The following GALNTL6 variants were observed in gnomAD, a reference collection of about 807,000 sequenced individuals.
The protein encoded by GALNTL6 is polypeptide N-acetylgalactosaminyltransferase-like 6.
GALNTL6 carries 46 observed loss-of-function variants against 73.7 expected under a neutral mutation model. The observed-to-expected ratio is 0.62, with a 90% CI of 0.49 to 0.80. GALNTL6 has a LOEUF of 0.80. Ranked by LOEUF, GALNTL6 falls within the 30% of genes least tolerant of loss-of-function variation. The pLI, the probability that GALNTL6 is intolerant of heterozygous loss-of-function variation, is 0.00. For synonymous variants in GALNTL6, 259 were observed against 263.7 expected (o/e 0.98, Z 0.17); for missense variants, 604 against 755.0 (o/e 0.80, Z 2.34).
intron 2 of GALNTL6, among the ~76,000 whole-genome samples, chr4:172,060,925 T>G (rs1020861874): frequency 1.6e-4 from 24 of 152,176 alleles, no homozygotes; most frequent in Non-Finnish European, 3.4e-4. Context: ...CCATATTACA[T>G]GGGCTCTAAG....
At chr4:172,210,606 T>A (rs998557508) in intron 2 of GALNTL6, among the ~76,000 whole-genome samples, 3 of 152,156 alleles carry the variant, frequency 2.0e-5, no homozygotes, top group Non-Finnish European at 4.4e-5. Context: ...TTTCATTACA[T>A]CATATCCAGG....
intron 7 of GALNTL6, among the ~76,000 whole-genome samples, chr4:172,829,313 C>T (rs894573748): frequency 2.6e-5 from 4 of 152,182 alleles, no homozygotes; most frequent in African/African-American, 7.2e-5. Context: ...ATGGTACCTA[C>T]TATTTGTTGG....
At chr4:171,987,042 G>T (rs2332450) in intron 2 of GALNTL6, among the ~76,000 whole-genome samples, 148,560 of 152,066 alleles carry the variant, frequency 0.98, 72,660 homozygotes, top group Middle Eastern at 1. Flanking sequence ...ACAAGTTTTT[G>T]GGGGCACAGT....
intron 5 of GALNTL6, among the ~76,000 whole-genome samples, chr4:172,563,511 T>A (rs1283155051): frequency 1.3e-5 from 2 of 152,266 alleles, no homozygotes; most frequent in African/African-American, 4.8e-5. Flanking sequence ...TGGTTATCTA[T>A]AAAATCTTTA....
intron 5 of GALNTL6, among the ~76,000 whole-genome samples, chr4:172,702,833 T>TG (rs71754292): frequency 1.3e-5 from 2 of 151,952 alleles, no homozygotes; most frequent in African/African-American, 4.8e-5. Context: ...TAGTTTTTTT[T>TG]GTCATTATAA....
At chr4:172,442,411 T>C (rs571643882) in intron 5 of GALNTL6, among the ~76,000 whole-genome samples, 2 of 152,146 alleles carry the variant, frequency 1.3e-5, no homozygotes, top group South Asian at 4.1e-4. Flanking sequence ...GTAAGAACAA[T>C]ATTAATGTGA....
At chr4:172,862,090 C>A (rs754193745) in intron 7 of GALNTL6, among the ~76,000 whole-genome samples, 2 of 152,168 alleles carry the variant, frequency 1.3e-5, no homozygotes, top group Non-Finnish European at 2.9e-5. Flanking sequence ...AAATTTGGAA[C>A]TTCTTAGAGA....
chr4:172,568,631 G>A (rs977710773), intron 5 of GALNTL6, among the ~76,000 whole-genome samples: 1 of 151,124 alleles, frequency 6.6e-6, no homozygotes, highest in Non-Finnish European at 1.5e-5. Flanking sequence ...GATGGTGGGC[G>A]CCTGTAGTCC....
chr4:171,939,310 A>G (rs941698546), intron 2 of GALNTL6, among the ~76,000 whole-genome samples: 2 of 151,988 alleles, frequency 1.3e-5, no homozygotes, highest in African/African-American at 4.8e-5. Context: ...ATAAGCCATC[A>G]ATAGGTTTAT....
chr4:172,003,939 A>C (rs765674214), intron 2 of GALNTL6, among the ~76,000 whole-genome samples: 11 of 152,134 alleles, frequency 7.2e-5, no homozygotes, highest in Non-Finnish European at 1.3e-4. Context: ...AATTTACGGA[A>C]ATATTTTTGG....
intron 2 of GALNTL6, among the ~76,000 whole-genome samples, chr4:172,100,540 G>A (rs919673698): frequency 1.3e-5 from 2 of 152,012 alleles, no homozygotes; most frequent in African/African-American, 4.8e-5. Flanking sequence ...TATGCCAAAA[G>A]GAAATGGTAA....
intron 5 of GALNTL6, among the ~76,000 whole-genome samples, chr4:172,446,147 T>C (rs1186079337): frequency 6.6e-6 from 1 of 152,210 alleles, no homozygotes; most frequent in Non-Finnish European, 1.5e-5. Flanking sequence ...TTATTTGATA[T>C]ACATAATCTC....
At chr4:172,423,665 A>G (rs1348022408) in intron 5 of GALNTL6, among the ~76,000 whole-genome samples, 1 of 152,206 alleles carries the variant, frequency 6.6e-6, no homozygotes, top group East Asian at 1.9e-4. Context: ...TCATGTATTT[A>G]CTTACTTATA....
intron 3 of GALNTL6, among the ~76,000 whole-genome samples, chr4:172,246,826 A>G (rs1365521889): frequency 6.7e-6 from 1 of 149,046 alleles, no homozygotes; most frequent in African/African-American, 2.4e-5. Flanking sequence ...ATGTATATAT[A>G]TATAAATATA....
At chr4:172,411,056 T>G (rs1744416616) in intron 5 of GALNTL6, among the ~76,000 whole-genome samples, 1 of 152,170 alleles carries the variant, frequency 6.6e-6, no homozygotes. Flanking sequence ...TCTGATTAAA[T>G]GAACTATGCT....
intron 2 of GALNTL6, among the ~76,000 whole-genome samples, chr4:172,057,965 A>G (rs1285312453): frequency 2.6e-5 from 4 of 151,836 alleles, no homozygotes; most frequent in African/African-American, 4.8e-5. Flanking sequence ...TAGCATTAGT[A>G]CCAAACTGAC....
intron 2 of GALNTL6, among the ~76,000 whole-genome samples, chr4:172,136,067 C>A (rs953178566): frequency 1.3e-5 from 2 of 152,026 alleles, no homozygotes; most frequent in Non-Finnish European, 2.9e-5. Flanking sequence ...CTTAGCTGTG[C>A]GTTCTATAGC....
At chr4:172,310,155 G>T (rs541127595) in intron 3 of GALNTL6, among the ~76,000 whole-genome samples, 4 of 152,264 alleles carry the variant, frequency 2.6e-5, no homozygotes, top group African/African-American at 9.6e-5. Flanking sequence ...TGTTTCCAAT[G>T]CAAGCATTGG....
At chr4:172,005,890 G>C (rs528535029) in intron 2 of GALNTL6, among the ~76,000 whole-genome samples, 1 of 152,236 alleles carries the variant, frequency 6.6e-6, no homozygotes, top group South Asian at 2.1e-4. Context: ...CTATTGAAGT[G>C]CCAGCAGCAC....
Sources: allele counts gnomAD v4.1 joint callset (sites outside exome capture counted in the v4.1 genomes callset), GRCh38; gene constraint gnomAD v4.1.1; transcripts MANE v1.5; gene names NCBI Gene and HGNC (gene_info 2026-07-23, HGNC 2026-07-21).